The following PDZRN4 variants were observed in gnomAD, a reference collection of about 807,000 sequenced individuals.
PDZRN4 encodes PDZ domain containing ring finger 4.
A neutral mutation model predicts 99.0 loss-of-function variants in PDZRN4; 70 were observed. The observed-to-expected ratio is 0.71, with a 90% confidence interval of 0.58 to 0.86. The LOEUF is 0.86. PDZRN4 is among the 40% of genes least tolerant of loss of function. The pLI is 0.00. For synonymous variants in PDZRN4, 551 were observed against 501.6 expected (o/e 1.10, Z -1.32); for missense variants, 1,474 against 1,331.2 (o/e 1.11, Z -1.67).
In PDZRN4 at chr12:41,572,776, T is replaced by A; in HGVS notation, c.1997T>A (p.Leu666Gln). The A allele has an allele frequency of 6.2e-7, 1 of 1,614,128 alleles. No individual in the cohort carries two copies. Among genetic ancestry groups the A allele is most frequent in the Non-Finnish European group, 8.5e-7 (1 of 1,180,014 alleles). The change falls in exon 10 of 10, where the codon CTA becomes CAA. Residue 666 changes from leucine to glutamine, a missense_variant. Leu to Gln is a moderately radical substitution (Grantham distance 113). Transcript: ENST00000402685. ...QGEQEGVEHE[L>Q]QLLNEELRNI... ...GAGCAAGAGGGAGTGGAGCATGAGC[T>A]ACAGTTGCTTAATGAAGAACTGAGA...
chr12:41,334,782 C>T (rs999037489), intron 3 of PDZRN4, among the ~76,000 whole-genome samples: 3 of 152,166 alleles, frequency 2.0e-5, no homozygotes, highest in Non-Finnish European at 4.4e-5. Flanking sequence ...CTTTAATTCA[C>T]TTGTCACTGA....
chr12:41,339,333 C>T (rs527731499), intron 3 of PDZRN4, among the ~76,000 whole-genome samples: 1 of 152,144 alleles, frequency 6.6e-6, no homozygotes, highest in South Asian at 2.1e-4. Flanking sequence ...GGAAAGAATA[C>T]TCTTTTCACT....
chr12:41,393,353 T>G (rs1413566599), intron 3 of PDZRN4, among the ~76,000 whole-genome samples: 1 of 152,172 alleles, frequency 6.6e-6, no homozygotes, highest in Non-Finnish European at 1.5e-5. Flanking sequence ...TTGCCGTGGC[T>G]GTGTGTAGCT....
chr12:41,553,664 AGT>A (rs1939096604), intron 6 of PDZRN4, among the ~76,000 whole-genome samples: 1 of 152,166 alleles, frequency 6.6e-6, no homozygotes, highest in African/African-American at 2.4e-5. Flanking sequence ...ACTGCACTCC[AGT>A]GCAGTGACAC....
intron 3 of PDZRN4, among the ~76,000 whole-genome samples, chr12:41,350,802 T>C (rs1951884472): frequency 6.6e-6 from 1 of 152,060 alleles, no homozygotes; most frequent in Non-Finnish European, 1.5e-5. Flanking sequence ...ACTTTATGAA[T>C]CTAGAAACTG....
chr12:41,201,254 T>C (rs1430120502), intron 3 of PDZRN4, among the ~76,000 whole-genome samples: 1 of 151,962 alleles, frequency 6.6e-6, no homozygotes, highest in African/African-American at 2.4e-5. Context: ...TTGTTTTCTG[T>C]CTAACTGGTA....
chr12:41,545,183 G>T (rs1185340221), intron 5 of PDZRN4, among the ~76,000 whole-genome samples: 1 of 152,092 alleles, frequency 6.6e-6, no homozygotes, highest in Non-Finnish European at 1.5e-5. Flanking sequence ...ATTTAATAGG[G>T]TGTAGTCATC....
intron 3 of PDZRN4, chr12:41,409,571 G>A (rs1482667181): frequency 6.6e-6 from 1 of 152,122 alleles, no homozygotes; most frequent in East Asian, 1.9e-4. Flanking sequence ...CTTTATAAAT[G>A]AAGATTCAGA....
At chr12:41,478,379 G>C (rs527246916) in intron 3 of PDZRN4, among the ~76,000 whole-genome samples, 4 of 152,052 alleles carry the variant, frequency 2.6e-5, no homozygotes, top group African/African-American at 9.7e-5. Context: ...GCCTCCCAAA[G>C]TGCTGGAATT....
At chr12:41,405,262 C>T (rs372455104) in intron 3 of PDZRN4, among the ~76,000 whole-genome samples, 1 of 151,946 alleles carries the variant, frequency 6.6e-6, no homozygotes, top group African/African-American at 2.4e-5. Flanking sequence ...AGCAAAAAAA[C>T]AACCATATTA....
chr12:41,546,979 G>T lies in PDZRN4; in HGVS notation c.1204-5677G>T, dbSNP rs1281565834. Among the ~76,000 whole-genome samples the T allele has an allele frequency of 6.6e-5, 10 of 152,264 alleles. No homozygotes were observed. In the East Asian group the frequency reaches 1.7e-3, roughly 26 times the overall value. The stretch of plus-strand genomic sequence containing the variant: ...GAGTCAGGAAATCAAATCACAAATG[G>T]CCGTGGATAGTTAGCAATACCTTTA... On this transcript the variant is annotated intron_variant, in intron 5 of 9. Transcript: ENST00000402685.
Position 41,427,629 on chromosome 12 carries a change from T to A in PDZRN4, c.844-78827T>A, listed in dbSNP as rs543410863. On this transcript the variant is annotated intron_variant, in intron 3 of 9. Transcript: ENST00000402685. ...GCAATTAAACATTCTATATTATCAGTTTCACAGAAATTAATGGATATTAAC... is the reference window on the plus strand; with the variant it reads ...GCAATTAAACATTCTATATTATCAGATTCACAGAAATTAATGGATATTAAC... Among the ~76,000 whole-genome samples the A allele has an allele frequency of 2.0e-5, 3 of 152,296 alleles. No homozygotes were observed. The East Asian group carries it at 5.8e-4, about 29-fold the overall frequency.
chr12:41,285,406 G>A (rs549067803), intron 3 of PDZRN4, among the ~76,000 whole-genome samples: 135 of 152,248 alleles, frequency 8.9e-4, no homozygotes, highest in African/African-American at 3.2e-3. Flanking sequence ...CACTGTTGAC[G>A]AGAGTGTAAA....
intron 3 of PDZRN4, among the ~76,000 whole-genome samples, chr12:41,196,225 T>C (rs1312174277): frequency 6.6e-6 from 1 of 152,076 alleles, no homozygotes; most frequent in Admixed American, 6.5e-5. Flanking sequence ...AGATAAAAAG[T>C]AAGGAGGTCA....
chr12:41,404,698 G>A (rs1180088159), intron 3 of PDZRN4, among the ~76,000 whole-genome samples: 1 of 151,014 alleles, frequency 6.6e-6, no homozygotes, highest in Non-Finnish European at 1.5e-5. Context: ...AGCATGAATA[G>A]CAATTCTAAG....
chr12:41,550,926 G>A (rs936460077), intron 5 of PDZRN4, among the ~76,000 whole-genome samples: 2 of 152,148 alleles, frequency 1.3e-5, no homozygotes, highest in Admixed American at 1.3e-4. Context: ...ATACTCAAAT[G>A]TACAGAGTGT....
In PDZRN4 at chr12:41,563,613, G is replaced by T; in HGVS notation, c.1431G>T (p.Lys477Asn). ...CCTTGCTGTCTAACGATGAGTGTAA[G>T]AGAATCGTGCTGCTTGTTGCAAGGC... Reference protein sequence around the residue: ...AVALLSNDECKRIVLLVARPE... With the variant: ...AVALLSNDECNRIVLLVARPE... The change falls in exon 8 of 10, where the codon AAG becomes AAT. Residue 477 changes from lysine to asparagine, a missense_variant. Coordinates refer to ENST00000402685, the MANE Select transcript of PDZRN4 (RefSeq NM_001164595.2). 6.2e-7 allele frequency: 1 copy of T among 1,613,488 alleles called. No individual in the cohort carries two copies. Among genetic ancestry groups the T allele is most frequent in the Non-Finnish European group, 8.5e-7 (1 of 1,179,568 alleles).
At chr12:41,235,515 TC>T (rs1951060400) in intron 3 of PDZRN4, among the ~76,000 whole-genome samples, 1 of 152,142 alleles carries the variant, frequency 6.6e-6, no homozygotes, top group South Asian at 2.1e-4. Flanking sequence ...GGGAGTGAGT[TC>T]CTATGCACAC....
intron 9 of PDZRN4, among the ~76,000 whole-genome samples, chr12:41,570,178 A>G (rs1171006129): frequency 2.0e-5 from 3 of 152,116 alleles, no homozygotes; most frequent in Non-Finnish European, 4.4e-5. Flanking sequence ...CATTGTGTGG[A>G]ATTTTTTTCT....
Sources: gnomAD v4.1 joint callset for allele counts (sites outside exome capture counted in the v4.1 genomes callset) on GRCh38, gnomAD v4.1.1 for gene constraint, MANE v1.5 for transcripts, NCBI Gene and HGNC (gene_info 2026-07-23, HGNC 2026-07-21) for gene names.